CRISP1: variants seen among roughly 807,000 people sequenced by gnomAD.
CRISP1 encodes the protein cysteine rich secretory protein 1, also known as cysteine-rich secretory protein 1.
CRISP1 carries 44 observed loss-of-function variants against 33.1 expected under a neutral mutation model. The observed-to-expected ratio is 1.33, with a 90% CI of 1.05 to 1.71. The LOEUF (loss-of-function observed/expected upper bound fraction) is 1.71, where lower values mean the gene tolerates loss of function less well. Ranked by LOEUF, CRISP1 falls within the 40% of genes most tolerant of loss-of-function variation. CRISP1 has a pLI of 0.00. For missense variants in CRISP1, 390 were observed against 301.2 expected (o/e 1.29, Z -2.18); for synonymous variants, 103 against 98.7 (o/e 1.04, Z -0.26).
intron 7 of CRISP1, among the ~76,000 whole-genome samples, chr6:49,836,493 G>C (rs962971532): frequency 4.6e-5 from 7 of 151,200 alleles, no homozygotes; most frequent in Non-Finnish European, 7.4e-5. Context: ...CCGCCATCAC[G>C]CCCTGCTAAT....
chr6:49,841,249 G>A (rs1347757712), intron 5 of CRISP1, among the ~76,000 whole-genome samples: 2 of 152,148 alleles, frequency 1.3e-5, no homozygotes, highest in Non-Finnish European at 2.9e-5. Context: ...CTTGATGATT[G>A]ACATTGTCTC....
At chr6:49,855,399 GT>G (rs764142916) in intron 2 of CRISP1, among the ~76,000 whole-genome samples, 48 of 150,932 alleles carry the variant, frequency 3.2e-4, no homozygotes, top group Admixed American at 6.6e-4. Flanking sequence ...TGAATACTCT[GT>G]TTATTCTCAG....
At chr6:49,859,578 A>G (rs2127476385) in intron 1 of CRISP1, among the ~76,000 whole-genome samples, 1 of 152,324 alleles carries the variant, frequency 6.6e-6, no homozygotes, top group South Asian at 2.1e-4. Flanking sequence ...AAGTGAAAAG[A>G]TATCTACCAT....
chr6:49,869,670 A>T (rs970111538), upstream of CRISP1, among the ~76,000 whole-genome samples: 2 of 152,328 alleles, frequency 1.3e-5, no homozygotes, highest in East Asian at 3.9e-4. Context: ...GTATGAAAAC[A>T]GTATCCTTTC....
chr6:49,874,796 G>C (rs965674936), intron 1 of CRISP1, among the ~76,000 whole-genome samples: 1 of 152,070 alleles, frequency 6.6e-6, no homozygotes, highest in Admixed American at 6.6e-5. Context: ...CAGAATTAAA[G>C]ACAAAAATCA....
intron 5 of CRISP1, among the ~76,000 whole-genome samples, chr6:49,841,403 T>A (rs529502459): frequency 2.0e-5 from 3 of 152,304 alleles, no homozygotes; most frequent in Middle Eastern, 3.4e-3. Context: ...GCGTTGATCA[T>A]TTTGCTATGA....
intron 7 of CRISP1, among the ~76,000 whole-genome samples, chr6:49,838,070 C>A (rs773312855): frequency 2.0e-5 from 3 of 152,026 alleles, no homozygotes; most frequent in African/African-American, 7.2e-5. Flanking sequence ...TGGAGAACAC[C>A]GGTAAACTGA....
chr6:49,872,615 A>C (rs1304878447), intron 1 of CRISP1, among the ~76,000 whole-genome samples: 1 of 152,110 alleles, frequency 6.6e-6, no homozygotes, highest in Non-Finnish European at 1.5e-5. Context: ...AGCTTTCTAC[A>C]TATGGCTAGC....
chr6:49,872,560 C>T (rs1771949428), intron 1 of CRISP1, among the ~76,000 whole-genome samples: 1 of 152,002 alleles, frequency 6.6e-6, no homozygotes, highest in South Asian at 2.1e-4. Flanking sequence ...TTTAATCCAT[C>T]CTGAATTAAT....
intron 1 of CRISP1, among the ~76,000 whole-genome samples, chr6:49,875,704 T>C (rs1035867118): frequency 6.6e-6 from 1 of 152,100 alleles, no homozygotes; most frequent in African/African-American, 2.4e-5. Flanking sequence ...AACAGATACA[T>C]AGACCAGTGG....
At chr6:49,859,393 G>A (rs1771583234) in intron 1 of CRISP1, among the ~76,000 whole-genome samples, 1 of 146,348 alleles carries the variant, frequency 6.8e-6, no homozygotes. Flanking sequence ...TTTAACAAGT[G>A]CTGAAAGAAA....
intron 1 of CRISP1, among the ~76,000 whole-genome samples, chr6:49,872,505 G>T (rs1342933051): frequency 6.6e-6 from 1 of 152,084 alleles, no homozygotes; most frequent in Non-Finnish European, 1.5e-5. Context: ...TGTTGCCTAG[G>T]TTTTCTTCTA....
chr6:49,839,362 G>A (rs1342391043), intron 6 of CRISP1, among the ~76,000 whole-genome samples: 1 of 150,974 alleles, frequency 6.6e-6, no homozygotes, highest in African/African-American at 2.4e-5. Flanking sequence ...GAGGTGGGAG[G>A]ATAGCTGGAG....
chr6:49,860,360 T>C (rs1771613562), intron 1 of CRISP1, among the ~76,000 whole-genome samples: 1 of 152,146 alleles, frequency 6.6e-6, no homozygotes, highest in Non-Finnish European at 1.5e-5. Context: ...GGATGGACCA[T>C]ATGTTACAAA....
upstream of CRISP1, among the ~76,000 whole-genome samples, chr6:49,869,361 G>T (rs558227464): frequency 2.3e-3 from 356 of 152,216 alleles, no homozygotes; most frequent in South Asian, 7.7e-3. Flanking sequence ...CTACCCCTGA[G>T]CAAATGATGC....
intron 3 of CRISP1, among the ~76,000 whole-genome samples, chr6:49,851,617 G>A (rs1033047153): frequency 2.6e-5 from 4 of 152,148 alleles, no homozygotes; most frequent in South Asian, 2.1e-4. Flanking sequence ...AATATTTGTC[G>A]TGTGTACTGG....
chr6:49,859,691 T>C (rs939581328), intron 1 of CRISP1, among the ~76,000 whole-genome samples: 10 of 151,676 alleles, frequency 6.6e-5, no homozygotes, highest in African/African-American at 2.4e-4. Context: ...CTAACCACCA[T>C]GATAAACAAT....
chr6:49,838,540 A>T lies in CRISP1; in HGVS notation c.534-15T>A. 6.3e-7 allele frequency: 1 copy of T among 1,597,748 alleles called. No individual in the cohort carries two copies. ...GATCATTTCCCCTTGAATAAAAAAA[A>T]GTGATTTCATAAAACCCATCTTTGA... On this transcript the variant is annotated splice_polypyrimidine_tract_variant and intron_variant, in intron 6 of 7. Transcript: ENST00000335847.
chr6:49,851,871 T>C (rs1462981050), intron 3 of CRISP1, 130 bp downstream of exon 3: 10 of 1,083,766 alleles, frequency 9.2e-6, no homozygotes, highest in African/African-American at 1.6e-5. Flanking sequence ...CCTCTGTTTC[T>C]TCTGCTATGT....
Sources: gnomAD v4.1 joint callset for allele counts (sites outside exome capture counted in the v4.1 genomes callset) on GRCh38, gnomAD v4.1.1 for gene constraint, MANE v1.5 for transcripts, NCBI Gene and HGNC (gene_info 2026-07-23, HGNC 2026-07-21) for gene names.